The following TRIM24 variants were observed in gnomAD, a reference collection of about 807,000 sequenced individuals.
TRIM24 encodes transcription intermediary factor 1-alpha.
A neutral mutation model predicts 123.9 loss-of-function variants in TRIM24; 29 were observed. The ratio of observed to expected loss-of-function variants is 0.23; its 90% CI spans 0.17 to 0.32. The LOEUF (loss-of-function observed/expected upper bound fraction) is 0.32. Ranked by LOEUF, TRIM24 falls within the 10% of genes least tolerant of loss-of-function variation. TRIM24 has a pLI of 1.00. For synonymous variants in TRIM24, 456 were observed against 461.1 expected (o/e 0.99, Z 0.14); for missense variants, 932 against 1,295.3 (o/e 0.72, Z 4.31).
chr7:138,485,068 ATTTC>A (rs1795614528), intron 1 of TRIM24, among the ~76,000 whole-genome samples: 1 of 151,402 alleles, frequency 6.6e-6, no homozygotes, highest in Non-Finnish European at 1.5e-5. Flanking sequence ...GGCCTTCCCT[ATTTC>A]TTTCTCTTTC....
At chr7:138,518,949 A>G (rs1481520325) in intron 3 of TRIM24, among the ~76,000 whole-genome samples, 1 of 151,826 alleles carries the variant, frequency 6.6e-6, no homozygotes, top group Non-Finnish European at 1.5e-5. Context: ...TCTTTCATTT[A>G]CTCCTGAACT....
At chr7:138,499,779 A>T (rs1023592472) in intron 1 of TRIM24, among the ~76,000 whole-genome samples, 1 of 151,314 alleles carries the variant, frequency 6.6e-6, no homozygotes, top group Non-Finnish European at 1.5e-5. Flanking sequence ...TGTGCTTATT[A>T]TTTGAATGTG....
chr7:138,509,701 CAAAAAAAAAA>C (rs538243079), intron 2 of TRIM24, among the ~76,000 whole-genome samples: 8 of 67,880 alleles, frequency 1.2e-4, no homozygotes, highest in African/African-American at 4.3e-4. Flanking sequence ...GACTCTGTCT[CAAAAAAAAAA>C]AAAAAAAAAA....
At chr7:138,535,335 T>G (rs1442936208) in intron 6 of TRIM24, among the ~76,000 whole-genome samples, 2 of 152,200 alleles carry the variant, frequency 1.3e-5, no homozygotes, top group African/African-American at 4.8e-5. Flanking sequence ...ATTTGGCATG[T>G]TTTTGCAGTG....
intron 7 of TRIM24, among the ~76,000 whole-genome samples, chr7:138,542,076 A>G (rs142313881): frequency 3.5e-3 from 533 of 152,366 alleles, no homozygotes; most frequent in African/African-American, 0.012. Context: ...TCAAGACCAC[A>G]AAACTTTCTT....
At chr7:138,508,695 G>GCA (rs1796209782) in intron 2 of TRIM24, among the ~76,000 whole-genome samples, 3 of 116,956 alleles carry the variant, frequency 2.6e-5, no homozygotes, top group Non-Finnish European at 3.5e-5. Flanking sequence ...GTGTGTGTGC[G>GCA]CGCGCGTGTG....
chr7:138,548,828 A>G (rs975249003), intron 7 of TRIM24, among the ~76,000 whole-genome samples: 1 of 152,134 alleles, frequency 6.6e-6, no homozygotes, highest in Admixed American at 6.5e-5. Context: ...ACCAGGACAA[A>G]AACATACACA....
At chr7:138,472,869 A>T (rs1257935727) in intron 1 of TRIM24, among the ~76,000 whole-genome samples, 1 of 152,248 alleles carries the variant, frequency 6.6e-6, no homozygotes, top group African/African-American at 2.4e-5. Context: ...ACAAGCTCTT[A>T]AAAAAATTTT....
At position 138,583,836 on chromosome 7, in the gene TRIM24, CA is replaced by C. The variant is rs764432331; in HGVS notation, c.2794-13del. 11 of 1,521,612 alleles carry C rather than the reference CA, an allele frequency of 7.2e-6. No individual in the cohort carries two copies. The Admixed American group carries it at 1.0e-4, about 14-fold the overall frequency. The allele number at this position is 1,521,612 out of a possible 1,614,324, so 94.3% of individuals were successfully genotyped here. ...TTTAGCTATTTGTATTATAACATCT[CA>C]TTTTTTTAATAGGTGCCTGATTATT... On this transcript the variant is annotated splice_polypyrimidine_tract_variant and intron_variant, in intron 17 of 18. Transcript: ENST00000343526.
chr7:138,539,532 T>C (rs970578485), intron 7 of TRIM24, among the ~76,000 whole-genome samples: 3 of 152,166 alleles, frequency 2.0e-5, no homozygotes, highest in Admixed American at 6.5e-5. Flanking sequence ...AACAAAGATA[T>C]AGAAGACATT....
intron 10 of TRIM24, among the ~76,000 whole-genome samples, chr7:138,569,713 A>G (rs1482155595): frequency 2.0e-5 from 3 of 152,190 alleles, no homozygotes; most frequent in South Asian, 2.1e-4. Flanking sequence ...AATGGAATAT[A>G]TAAATTAGGT....
At chr7:138,574,586 A>T (rs999329551) in intron 12 of TRIM24, among the ~76,000 whole-genome samples, 1 of 152,210 alleles carries the variant, frequency 6.6e-6, no homozygotes, top group Admixed American at 6.5e-5. Context: ...CATTCTTACT[A>T]GTGGTCATAA....
At chr7:138,465,348 G>A (rs1316334787) in intron 1 of TRIM24, among the ~76,000 whole-genome samples, 4 of 152,082 alleles carry the variant, frequency 2.6e-5, no homozygotes, top group East Asian at 1.9e-4. Context: ...TTTCTTTTAC[G>A]TATGTTAAGA....
chr7:138,508,949 A>C (rs1044706628), intron 2 of TRIM24, among the ~76,000 whole-genome samples: 5 of 151,610 alleles, frequency 3.3e-5, no homozygotes, highest in Non-Finnish European at 5.9e-5. Context: ...TCTAACAGAG[A>C]CTTTATTTAT....
At chr7:138,479,330 T>TC (rs543457358) in intron 1 of TRIM24, among the ~76,000 whole-genome samples, 2 of 152,122 alleles carry the variant, frequency 1.3e-5, no homozygotes, top group Non-Finnish European at 2.9e-5. Context: ...TATCACTCCT[T>TC]CCCTTTCCCT....
At chr7:138,571,709 T>A (rs750829935) in intron 11 of TRIM24, among the ~76,000 whole-genome samples, 4 of 152,146 alleles carry the variant, frequency 2.6e-5, no homozygotes, top group African/African-American at 4.8e-5. Flanking sequence ...CAGTATGACT[T>A]TTTGTTATTT....
chr7:138,518,244 A>G (rs1224806108), intron 3 of TRIM24, among the ~76,000 whole-genome samples: 5 of 152,172 alleles, frequency 3.3e-5, no homozygotes, highest in African/African-American at 1.2e-4. Flanking sequence ...TTAAAAGACA[A>G]TATATGTACT....
At chr7:138,499,496 G>C (rs1795987067) in intron 1 of TRIM24, among the ~76,000 whole-genome samples, 2 of 152,324 alleles carry the variant, frequency 1.3e-5, no homozygotes, top group South Asian at 4.1e-4. Flanking sequence ...AAGCTGCCCA[G>C]AGCAGATGGT....
chr7:138,581,098 C>G (rs565905942), intron 16 of TRIM24, among the ~76,000 whole-genome samples: 5 of 152,192 alleles, frequency 3.3e-5, no homozygotes, highest in Admixed American at 3.3e-4. Context: ...ACTTATGCAT[C>G]AAAGCCAACT....
Sources: gnomAD v4.1 joint callset for allele counts (sites outside exome capture counted in the v4.1 genomes callset) on GRCh38, gnomAD v4.1.1 for gene constraint, MANE v1.5 for transcripts, NCBI Gene and HGNC (gene_info 2026-07-23, HGNC 2026-07-21) for gene names.